The following UTRN variants were observed in gnomAD, a reference collection of about 807,000 sequenced individuals.
The protein encoded by UTRN is utrophin.
UTRN carries 283 observed loss-of-function variants against 463.9 expected under a neutral mutation model. The observed-to-expected ratio is 0.61, with a 90% confidence interval of 0.55 to 0.67. The LOEUF (loss-of-function observed/expected upper bound fraction) is 0.67, where lower values mean the gene tolerates loss of function less well. UTRN is among the 30% of genes least tolerant of loss of function. The pLI, the probability that UTRN is intolerant of heterozygous loss-of-function variation, is 0.00. For missense variants in UTRN, 3,922 were observed against 4,084.3 expected (o/e 0.96, Z 1.08); for synonymous variants, 1,442 against 1,431.5 (o/e 1.01, Z -0.17).
chr6:144,555,248 C>G (rs1036436449), intron 49 of UTRN, among the ~76,000 whole-genome samples: 13 of 152,186 alleles, frequency 8.5e-5, no homozygotes, highest in African/African-American at 3.1e-4. Flanking sequence ...AAATAACTAC[C>G]TGAGACTGAG....
rs765772303 is a variant in UTRN at position 144,542,782 on chromosome 6, C to T, written c.6520-13C>T. 5.0e-6 allele frequency: 8 copies of T among 1,612,072 alleles called. No individual in the cohort carries two copies. Among genetic ancestry groups the T allele is most frequent in the Non-Finnish European group, 6.8e-6 (8 of 1,179,194 alleles). ...GTAGTATTCTTCTCTTTCTGTTTGT[C>T]CTGATGCGGTAGATTTGCAGAGAGG... On this transcript the variant is annotated splice_polypyrimidine_tract_variant and intron_variant, in intron 45 of 74. Transcript: ENST00000367545.
chr6:144,459,024 C>T lies in UTRN; in HGVS notation c.2526+13C>T, dbSNP rs138681296. Reference sequence around the variant, plus strand: ...GGATTCCTGTCAGGTAAGGAGCCAACGGTCTGGAAAGTGGAGGAATTCTAT... The same window carrying T: ...GGATTCCTGTCAGGTAAGGAGCCAATGGTCTGGAAAGTGGAGGAATTCTAT... On this transcript the variant is annotated intron_variant, in intron 20 of 74. Transcript: ENST00000367545. The T allele has an allele frequency of 1.2e-4, 183 of 1,586,324 alleles. No individual in the cohort carries two copies. In the African/African-American group the frequency reaches 1.7e-3, roughly 15 times the overall value.
At chr6:144,589,431 C>T (rs1401413441) in intron 51 of UTRN, among the ~76,000 whole-genome samples, 1 of 152,052 alleles carries the variant, frequency 6.6e-6, no homozygotes, top group Non-Finnish European at 1.5e-5. Flanking sequence ...TGCAAGTCAG[C>T]AAGTGAAGGA....
At chr6:144,807,546 A>C (rs1480559947) in intron 65 of UTRN, among the ~76,000 whole-genome samples, 1 of 152,104 alleles carries the variant, frequency 6.6e-6, no homozygotes, top group Admixed American at 6.6e-5. Context: ...TTGATCTTCA[A>C]GAGACAGCAT....
At chr6:144,612,385 T>G (rs1805617040) in intron 51 of UTRN, among the ~76,000 whole-genome samples, 1 of 152,020 alleles carries the variant, frequency 6.6e-6, no homozygotes, top group Admixed American at 6.6e-5. Context: ...CTAAAAAGCT[T>G]CTGCACAGCA....
In UTRN at chr6:144,748,290, C is replaced by T. The variant is rs370654830; in HGVS notation, c.7984C>T (p.Arg2662Cys). Residue 2662 changes from arginine (R) to cysteine (C), a missense_variant, in exon 55 of 75, where the codon CGC becomes TGC. Coordinates refer to ENST00000367545, the MANE Select transcript of UTRN (RefSeq NM_007124.3). ...ERAQKIAKAMRKQSSEVKEKW... is the reference protein window; with the variant it reads ...ERAQKIAKAMCKQSSEVKEKW... ...AGCCCAAAAGATTGCCAAAGCCATG[C>T]GCAAACAGTCTTCTGAAGTCAAAGA... 317 of 1,612,786 alleles carry T rather than the reference C, an allele frequency of 2.0e-4. 1 individual carries two copies. Among genetic ancestry groups the T allele is most frequent in the Non-Finnish European group, 2.5e-4 (295 of 1,179,800 alleles).
At chr6:144,575,456 C>T (rs753188618) in intron 50 of UTRN, among the ~76,000 whole-genome samples, 11 of 152,042 alleles carry the variant, frequency 7.2e-5, no homozygotes, top group Non-Finnish European at 1.2e-4. Flanking sequence ...ATTAGATATG[C>T]TGATTTTTAC....
At chr6:144,580,501 T>C (rs1801871347) in intron 51 of UTRN, among the ~76,000 whole-genome samples, 1 of 152,186 alleles carries the variant, frequency 6.6e-6, no homozygotes. Flanking sequence ...TGATTAACTT[T>C]TGGGAGTATG....
At chr6:144,417,741 T>C (rs1784474584) in intron 3 of UTRN, among the ~76,000 whole-genome samples, 1 of 152,234 alleles carries the variant, frequency 6.6e-6, no homozygotes, top group African/African-American at 2.4e-5. Flanking sequence ...GTCATTCCAA[T>C]TGGTTTATTT....
intron 2 of UTRN, among the ~76,000 whole-genome samples, chr6:144,330,495 A>G (rs1776259410): frequency 6.6e-6 from 1 of 152,204 alleles, no homozygotes; most frequent in Admixed American, 6.5e-5. Context: ...AAACATAAAA[A>G]CAAATTTTTC....
intron 51 of UTRN, among the ~76,000 whole-genome samples, chr6:144,677,097 A>T (rs978715405): frequency 1.3e-5 from 2 of 152,074 alleles, no homozygotes; most frequent in African/African-American, 4.8e-5. Flanking sequence ...CAGTGTATTG[A>T]ACACCTTTTA....
intron 3 of UTRN, among the ~76,000 whole-genome samples, chr6:144,418,764 G>T (rs1051391258): frequency 4.0e-5 from 6 of 151,846 alleles, no homozygotes; most frequent in Non-Finnish European, 8.8e-5. Context: ...ACATTGGCCA[G>T]GCTGGTCTCG....
chr6:144,847,405 GTTTTGTTTTGTT>G (rs1003902801), intron 74 of UTRN, among the ~76,000 whole-genome samples: 3 of 145,296 alleles, frequency 2.1e-5, no homozygotes, highest in African/African-American at 7.4e-5. Context: ...TTGTTTTTTT[GTTTTGTTTTGTT>G]TTTTGTTTTT....
intron 2 of UTRN, among the ~76,000 whole-genome samples, chr6:144,310,611 G>C (rs943121720): frequency 6.7e-6 from 1 of 150,088 alleles, no homozygotes; most frequent in Non-Finnish European, 1.5e-5. Context: ...CCGAGGTGGG[G>C]AGACAGGGAT....
At chr6:144,432,963 G>A (rs1372683659) in intron 9 of UTRN, among the ~76,000 whole-genome samples, 2 of 152,142 alleles carry the variant, frequency 1.3e-5, no homozygotes, top group Non-Finnish European at 2.9e-5. Context: ...TTAACCCTGA[G>A]TGGACACAGC....
chr6:144,533,783 A>G (rs1797289595), intron 43 of UTRN, among the ~76,000 whole-genome samples: 1 of 151,706 alleles, frequency 6.6e-6, no homozygotes, highest in Admixed American at 6.6e-5. Flanking sequence ...AGTGACTCAG[A>G]TTTTATTTGG....
chr6:144,772,042 TTTTTTTTTTTTA>T, intron 59 of UTRN, 74 bp downstream of exon 59: 1 of 1,096,194 alleles, frequency 9.1e-7, no homozygotes, highest in Non-Finnish European at 1.2e-6. Flanking sequence ...TTTTTTTTTT[TTTTTTTTTTTTA>T]AGGTGGATTC....
At chr6:144,809,372 A>T (rs1027239186) in intron 65 of UTRN, among the ~76,000 whole-genome samples, 9 of 152,172 alleles carry the variant, frequency 5.9e-5, no homozygotes, top group African/African-American at 2.2e-4. Flanking sequence ...TTTGGAATTA[A>T]AAGATGAAAA....
intron 2 of UTRN, among the ~76,000 whole-genome samples, chr6:144,383,616 C>T (rs141300670): frequency 9.9e-5 from 15 of 152,202 alleles, no homozygotes; most frequent in Non-Finnish European, 1.3e-4. Flanking sequence ...CTCCTCTGGG[C>T]GGAATTGAGC....
Sources: gnomAD v4.1 joint callset for allele counts (sites outside exome capture counted in the v4.1 genomes callset) on GRCh38, gnomAD v4.1.1 for gene constraint, MANE v1.5 for transcripts, NCBI Gene and HGNC (gene_info 2026-07-23, HGNC 2026-07-21) for gene names.